Variants in PDE8A observed in about 807,000 individuals in gnomAD.
The protein encoded by PDE8A is high affinity cAMP-specific and IBMX-insensitive 3',5'-cyclic phosphodiesterase 8A.
Under a neutral mutation model 105.0 loss-of-function variants are expected in PDE8A, and 59 were observed. That is an observed-to-expected ratio of 0.56 (90% CI 0.46 to 0.70). PDE8A has a LOEUF of 0.70. PDE8A is among the 30% of genes least tolerant of loss of function. PDE8A has a pLI of 0.00. For missense variants in PDE8A, 1,014 were observed against 1,045.9 expected (o/e 0.97, Z 0.42); for synonymous variants, 355 against 371.9 (o/e 0.95, Z 0.52).
At chr15:85,021,630 GA>G (rs199896773) in intron 1 of PDE8A, among the ~76,000 whole-genome samples, 4 of 151,064 alleles carry the variant, frequency 2.6e-5, no homozygotes, top group African/African-American at 7.3e-5. Context: ...AACAGCAGAA[GA>G]AAAAAAAATA....
chr15:85,047,397 G>C (rs1039147516), intron 1 of PDE8A, among the ~76,000 whole-genome samples: 108 of 152,246 alleles, frequency 7.1e-4, no homozygotes, highest in African/African-American at 2.1e-3. Context: ...TGGTTATTTT[G>C]GGGGGAGCAG....
intron 1 of PDE8A, among the ~76,000 whole-genome samples, chr15:84,992,104 G>A (rs1033809348): frequency 6.6e-6 from 1 of 152,248 alleles, no homozygotes; most frequent in Non-Finnish European, 1.5e-5. Context: ...TGTTTAGCAT[G>A]TTAATTTGAG....
chr15:85,007,533 T>C (rs2080168181), intron 1 of PDE8A, among the ~76,000 whole-genome samples: 1 of 151,764 alleles, frequency 6.6e-6, no homozygotes, highest in African/African-American at 2.4e-5. Context: ...GTATGTTCAA[T>C]AAAATGTAAA....
At chr15:85,123,265 G>T in intron 19 of PDE8A, 72 bp downstream of exon 19, 1 of 1,460,204 alleles carries the variant, frequency 6.8e-7, no homozygotes, top group Non-Finnish European at 9.5e-7. Context: ...AGACACATGG[G>T]CTATGATATC....
intron 17 of PDE8A, 54 bp from the exon 18 acceptor site, chr15:85,120,743 G>T: frequency 9.2e-7 from 1 of 1,085,024 alleles, no homozygotes; most frequent in Non-Finnish European, 1.4e-6. Flanking sequence ...TATACAGAAG[G>T]CTTCCTTGCC....
intron 1 of PDE8A, among the ~76,000 whole-genome samples, chr15:85,051,015 C>G (rs1423628319): frequency 6.6e-6 from 1 of 152,106 alleles, no homozygotes; most frequent in East Asian, 1.9e-4. Context: ...TTGTACAAAT[C>G]TTTCACCTCC....
chr15:85,102,788 G>A (rs538288370), intron 11 of PDE8A, among the ~76,000 whole-genome samples: 37 of 149,310 alleles, frequency 2.5e-4, no homozygotes, highest in African/African-American at 8.4e-4. Context: ...GTGGTGAGCC[G>A]AGATCGCGCC....
intron 18 of PDE8A, among the ~76,000 whole-genome samples, chr15:85,122,333 G>C (rs1482803350): frequency 6.6e-6 from 1 of 152,070 alleles, no homozygotes; most frequent in Non-Finnish European, 1.5e-5. Flanking sequence ...GTTGAAGAAA[G>C]AAAAAACATT....
chr15:85,134,643 T>C (rs1447073692), intron 20 of PDE8A, among the ~76,000 whole-genome samples: 2 of 152,190 alleles, frequency 1.3e-5, no homozygotes, highest in African/African-American at 4.8e-5. Flanking sequence ...ACTGTTCACC[T>C]GACTTTCTTG....
chr15:85,074,329 G>A (rs1418423301), intron 3 of PDE8A, among the ~76,000 whole-genome samples: 1 of 152,216 alleles, frequency 6.6e-6, no homozygotes, highest in African/African-American at 2.4e-5. Context: ...TTGAGTAGTT[G>A]TGACAAGAGT....
intron 6 of PDE8A, among the ~76,000 whole-genome samples, chr15:85,087,071 A>T (rs2081566292): frequency 2.1e-5 from 3 of 141,778 alleles, no homozygotes; most frequent in African/African-American, 2.6e-5. Flanking sequence ...TAACAACTTT[A>T]TTGAGCTATA....
intron 1 of PDE8A, among the ~76,000 whole-genome samples, chr15:84,993,585 A>C (rs1259171346): frequency 1.3e-5 from 2 of 151,192 alleles, no homozygotes; most frequent in Non-Finnish European, 3.0e-5. Flanking sequence ...CTATAATTAA[A>C]AACTTTTTTG....
intron 2 of PDE8A, among the ~76,000 whole-genome samples, chr15:85,065,696 C>G (rs2081213226): frequency 6.6e-6 from 1 of 152,222 alleles, no homozygotes; most frequent in African/African-American, 2.4e-5. Context: ...GCTTTGCAGT[C>G]TGTTTCACAG....
At chr15:85,004,436 C>T (rs1424636328) in intron 1 of PDE8A, among the ~76,000 whole-genome samples, 2 of 152,142 alleles carry the variant, frequency 1.3e-5, no homozygotes, top group African/African-American at 4.8e-5. Flanking sequence ...TCCCTCACAG[C>T]CCCCCACAGT....
At chr15:85,039,748 A>G (rs939806459) in intron 1 of PDE8A, among the ~76,000 whole-genome samples, 1 of 152,250 alleles carries the variant, frequency 6.6e-6, no homozygotes, top group Non-Finnish European at 1.5e-5. Flanking sequence ...AAAATGCAAT[A>G]TATACATGCA....
intron 6 of PDE8A, 26 bp downstream of exon 6, chr15:85,083,670 C>CT: frequency 1.4e-6 from 2 of 1,466,478 alleles, no homozygotes; most frequent in Non-Finnish European, 1.9e-6. Flanking sequence ...CTGGAAAGCC[C>CT]TCCAGGCCAT....
intron 1 of PDE8A, among the ~76,000 whole-genome samples, chr15:85,026,552 G>A (rs1296817255): frequency 6.6e-6 from 1 of 152,178 alleles, no homozygotes; most frequent in Non-Finnish European, 1.5e-5. Context: ...ATTTGTGGAT[G>A]CTATCTCAAG....
At chr15:84,998,921 C>T (rs1018937200) in intron 1 of PDE8A, among the ~76,000 whole-genome samples, 1 of 152,072 alleles carries the variant, frequency 6.6e-6, no homozygotes, top group Admixed American at 6.6e-5. Flanking sequence ...AACATATACT[C>T]GTTTTCAATA....
intron 1 of PDE8A, among the ~76,000 whole-genome samples, chr15:84,991,218 C>G (rs1312847651): frequency 6.6e-6 from 1 of 152,072 alleles, no homozygotes; most frequent in Non-Finnish European, 1.5e-5. Context: ...AGGAAAGCGG[C>G]AGACTGGAAG....
Sources: gnomAD v4.1 joint callset for allele counts (sites outside exome capture counted in the v4.1 genomes callset) on GRCh38, gnomAD v4.1.1 for gene constraint, MANE v1.5 for transcripts, NCBI Gene and HGNC (gene_info 2026-07-23, HGNC 2026-07-21) for gene names.